NFASC: variants seen among roughly 807,000 people sequenced by gnomAD.
The protein encoded by NFASC is neurofascin homolog.
Under a neutral mutation model 147.5 loss-of-function variants are expected in NFASC, and 43 were observed. The ratio of observed to expected loss-of-function variants is 0.29; its 90% CI spans 0.23 to 0.38. The LOEUF (loss-of-function observed/expected upper bound fraction) is 0.38. Ranked by LOEUF, NFASC falls within the 10% of genes least tolerant of loss-of-function variation. The probability of loss-of-function intolerance (pLI) is 1.00; values close to 1 mark genes in which losing one functional copy is unlikely to be tolerated. For missense variants in NFASC, 1,320 were observed against 1,689.0 expected (o/e 0.78, Z 3.83); for synonymous variants, 622 against 665.5 (o/e 0.93, Z 1.01).
chr1:204,918,667 C>T (rs2089827317), intron 1 of NFASC, among the ~76,000 whole-genome samples: 2 of 147,680 alleles, frequency 1.4e-5, no homozygotes, highest in Non-Finnish European at 3.0e-5. Flanking sequence ...CTCACTGTAA[C>T]CCCTGCCTCC....
rs571538265 is a variant in NFASC at position 204,839,605 on chromosome 1, GTTGGTCAGGCAGC to G, written c.-200+10827_-200+10839del. On this transcript the variant is annotated intron_variant, in intron 1 of 29. Coordinates refer to ENST00000339876, the MANE Select transcript of NFASC (RefSeq NM_001005388.3). ...CTGCAGTGACAGAGCTGCCTTTATG[GTTGGTCAGGCAGC>G]TTGCTCTCTCACTGGGCTGTACCGA... Among the ~76,000 whole-genome samples, 692 of 152,278 alleles carry G rather than the reference GTTGGTCAGGCAGC, an allele frequency of 4.5e-3. 3 individuals are homozygous for G. The highest frequency in any genetic ancestry group is 8.3e-3 in the Non-Finnish European group (564 of 68,008).
chr1:204,848,040 G>A (rs995802668), intron 1 of NFASC, among the ~76,000 whole-genome samples: 29 of 152,114 alleles, frequency 1.9e-4, no homozygotes, highest in African/African-American at 6.3e-4. Context: ...CCTTTGTACT[G>A]GAAACAGTGA....
intron 2 of NFASC, among the ~76,000 whole-genome samples, chr1:204,931,986 CAAGTG>C (rs2092401164): frequency 6.6e-6 from 1 of 152,140 alleles, no homozygotes; most frequent in Non-Finnish European, 1.5e-5. Context: ...TGGAAGAAGG[CAAGTG>C]AAGTGAAGCG....
Position 204,944,382 on chromosome 1 carries a change from G to A in NFASC, c.67G>A (p.Gly23Arg), listed in dbSNP as rs145678100. ...AFLLCLLSLG[G>R]AIEIPMDPSI... Reference sequence around the variant, plus strand: ...CCTCCTCTGCCTCCTCAGTCTTGGCGGAGCCATCGAAATTCCTATGGATCG... The same window carrying A: ...CCTCCTCTGCCTCCTCAGTCTTGGCAGAGCCATCGAAATTCCTATGGATCG... Residue 23 changes from glycine (G) to arginine (R), a missense_variant, in exon 3 of 30, where the codon GGA becomes AGA. Around this residue, in one of 3 missense-constraint regions of NFASC, gnomAD observed 981 missense variants for 1,289.5 expected, o/e 0.76. Transcript: ENST00000339876. 306 of 1,608,018 alleles carry A rather than the reference G, an allele frequency of 1.9e-4. 1 individual carries two copies. Among genetic ancestry groups the A allele is most frequent in the Non-Finnish European group, 2.4e-4 (281 of 1,176,990 alleles).
Position 204,902,300 on chromosome 1 carries a change from A to G in NFASC, c.-199-18332A>G, listed in dbSNP as rs1038177322. On this transcript the variant is annotated intron_variant, in intron 1 of 29. Transcript: ENST00000339876. ...TCTCAAAACAAAAAAGGGTGTAAAG[A>G]AAAAAAGAGGGAGGCAGAACTTATA... is the stretch of plus-strand genomic sequence containing the variant. 3.9e-5 allele frequency among the ~76,000 whole-genome samples: 6 copies of G among 152,178 alleles called. No homozygotes were observed. In the East Asian group the frequency reaches 5.8e-4, roughly 15 times the overall value.
Position 205,016,281 on chromosome 1 carries a change from T to C in NFASC, c.3492-27T>C, listed in dbSNP as rs1466749877. 1.3e-6 allele frequency: 2 copies of C among 1,543,212 alleles called. No homozygotes were observed. Among genetic ancestry groups the C allele is most frequent in the Non-Finnish European group, 1.8e-6 (2 of 1,116,004 alleles). The stretch of plus-strand genomic sequence containing the variant: ...GCCAGCTGCCCCATCTCACCCCACC[T>C]GAGATTCTCTGTCTCTCTTTGGCCA... On this transcript the variant is annotated intron_variant, in intron 29 of 29. Coordinates refer to ENST00000339876, the MANE Select transcript of NFASC (RefSeq NM_001005388.3). The surrounding 1 kb of genome is among the most constrained non-coding windows in gnomAD (Gnocchi z 5.1).
rs1445556378 is a variant in NFASC, at chr1:204,970,751, A to G, written c.1135+4A>G. On this transcript the variant is annotated splice_donor_region_variant and intron_variant, in intron 11 of 29. Transcript: ENST00000339876. ...GTGAATGGGGAACCTTTGCAATGTA[A>G]GTAGCGAGCTGTTGTCCCATCTGAC... 6.2e-7 allele frequency: 1 copy of G among 1,614,076 alleles called. No homozygotes were observed. Among genetic ancestry groups the G allele is most frequent in the Non-Finnish European group, 8.5e-7 (1 of 1,180,028 alleles).
intron 19 of NFASC, among the ~76,000 whole-genome samples, chr1:204,980,054 A>ATAATCCACAAAGGAGC (rs1400991942): frequency 1.9e-4 from 29 of 152,358 alleles, no homozygotes; most frequent in Non-Finnish European, 1.3e-4. Flanking sequence ...CATTTAGTGG[A>ATAATCCACAAAGGAGC]TAATCCACAA....
intron 1 of NFASC, among the ~76,000 whole-genome samples, chr1:204,861,550 C>T (rs907887611): frequency 2.6e-5 from 4 of 152,148 alleles, no homozygotes; most frequent in East Asian, 1.9e-4. Context: ...AGTGCAGTGG[C>T]GTGATCTCAG....
At chr1:204,897,965 T>G (rs1011275350) in intron 1 of NFASC, among the ~76,000 whole-genome samples, 6 of 152,210 alleles carry the variant, frequency 3.9e-5, no homozygotes, top group Non-Finnish European at 7.4e-5. Context: ...CTCGAACTCC[T>G]CATCTCAAGT....
chr1:204,840,511 C>T (rs1675011146), intron 1 of NFASC, among the ~76,000 whole-genome samples: 1 of 152,174 alleles, frequency 6.6e-6, no homozygotes, highest in African/African-American at 2.4e-5. Flanking sequence ...TGTCTTACAG[C>T]ATATTACTAA....
In NFASC at chr1:204,975,303, C is replaced by G; in HGVS notation, c.1591C>G (p.Gln531Glu). The stretch of plus-strand genomic sequence containing the variant: ...CAGGATCTACCGGATGCCCGAGGAC[C>G]AGGTGGCCAGAAGGGGCACCACGGT... ...PTRIYRMPEDQVARRGTTVQL... is the reference protein window; with the variant it reads ...PTRIYRMPEDEVARRGTTVQL... Residue 531 changes from glutamine to glutamate, a missense_variant, in exon 15 of 30, where the codon CAG (glutamine) becomes GAG (glutamate). This residue lies in a region of NFASC where 981 missense variants were observed against 1,289.5 expected (regional missense o/e 0.76). Transcript: ENST00000339876. This position sits in a 1 kb window ranked among gnomAD's most constrained non-coding sequence, Gnocchi z 4.0. 6.2e-7 allele frequency: 1 copy of G among 1,613,832 alleles called. No homozygotes were observed. Among genetic ancestry groups the G allele is most frequent in the South Asian group, 1.1e-5 (1 of 91,080 alleles).
At position 204,979,908 on chromosome 1, in the gene NFASC, G is replaced by A. The variant is rs1261361164; in HGVS notation, c.2176+349G>A. ...TTCAGTGTGAGAAATATATAAATTG[G>A]TATTACATCAGATTTCTTTTCCTAA... On this transcript the variant is annotated intron_variant, in intron 19 of 29. Coordinates refer to ENST00000339876, the MANE Select transcript of NFASC (RefSeq NM_001005388.3). The surrounding 1 kb of genome is among the most constrained non-coding windows in gnomAD (Gnocchi z 6.0). Among the ~76,000 whole-genome samples the A allele has an allele frequency of 6.6e-6, 1 of 152,134 alleles. No homozygotes were observed. The highest frequency in any genetic ancestry group is 2.4e-5 in the African/African-American group (1 of 41,410).
intron 2 of NFASC, among the ~76,000 whole-genome samples, chr1:204,936,978 C>G (rs2092907787): frequency 1.3e-5 from 2 of 152,228 alleles, no homozygotes; most frequent in Admixed American, 1.3e-4. Context: ...TGCCACAGGG[C>G]CTTTGCACAA....
chr1:204,851,836 A>G (rs1010714857), intron 1 of NFASC, among the ~76,000 whole-genome samples: 1 of 152,218 alleles, frequency 6.6e-6, no homozygotes, highest in Admixed American at 6.5e-5. Context: ...ACATTAACCA[A>G]ATATTCTAAA....
intron 1 of NFASC, among the ~76,000 whole-genome samples, chr1:204,915,236 G>A (rs906464134): frequency 6.6e-6 from 1 of 152,078 alleles, no homozygotes; most frequent in Non-Finnish European, 1.5e-5. Flanking sequence ...AGCCAAGATA[G>A]CACCACTGCA....
At chr1:204,877,832 A>G (rs1420680313) in intron 1 of NFASC, among the ~76,000 whole-genome samples, 1 of 152,192 alleles carries the variant, frequency 6.6e-6, no homozygotes, top group Admixed American at 6.5e-5. Context: ...TCTCCTAGCA[A>G]CTTCTCCTGG....
chr1:204,925,755 A>G (rs530412423), intron 2 of NFASC, among the ~76,000 whole-genome samples: 131 of 152,174 alleles, frequency 8.6e-4, no homozygotes, highest in Non-Finnish European at 1.6e-3. Flanking sequence ...CTAGGCTTGC[A>G]ATCCACCCAA....
At position 204,997,421 on chromosome 1, in the gene NFASC, C is replaced by A. The variant is rs1217451601; in HGVS notation, c.3019+15C>A. 1.3e-6 allele frequency: 2 copies of A among 1,551,678 alleles called. No homozygotes were observed. The highest frequency in any genetic ancestry group is 1.7e-6 in the Non-Finnish European group (2 of 1,146,962). ...ACACGAATCCGGTACTGCGCATCGC[C>A]CATGCTCCCCATCCCCTCCTGGCCC... On this transcript the variant is annotated intron_variant, in intron 25 of 29. Transcript: ENST00000339876.
Sources: allele counts gnomAD v4.1 joint callset (sites outside exome capture counted in the v4.1 genomes callset), GRCh38; gene constraint gnomAD v4.1.1; regional missense constraint gnomAD v4.1.1; non-coding constraint Gnocchi (gnomAD v3.1); transcripts MANE v1.5; gene names NCBI Gene and HGNC (gene_info 2026-07-23, HGNC 2026-07-21).